The following RPH3A variants were observed in gnomAD, a reference collection of about 807,000 sequenced individuals.
The protein encoded by RPH3A is rabphilin 3A.
A neutral mutation model predicts 102.2 loss-of-function variants in RPH3A; 48 were observed. The ratio of observed to expected loss-of-function variants is 0.47; its 90% CI spans 0.37 to 0.60. The LOEUF (loss-of-function observed/expected upper bound fraction) is 0.60, where lower values mean the gene tolerates loss of function less well. RPH3A is among the 20% of genes least tolerant of loss of function. RPH3A has a pLI of 0.00. For synonymous variants in RPH3A, 310 were observed against 324.3 expected (o/e 0.96, Z 0.47); for missense variants, 781 against 910.1 (o/e 0.86, Z 1.83).
In RPH3A at chr12:112,678,330, A is replaced by G. The variant is rs2040201832; in HGVS notation, c.-140+103011A>G. Reference sequence around the variant, plus strand: ...GAGAGAGAGAGAGAAAGAAAGAAAGAAGGAAGGAAGGAAGGAAGGAAGGAA... The same window carrying G: ...GAGAGAGAGAGAGAAAGAAAGAAAGGAGGAAGGAAGGAAGGAAGGAAGGAA... On this transcript the variant is annotated intron_variant, in intron 1 of 21. Transcript: ENST00000543106. Among the ~76,000 whole-genome samples, 2 of 124,108 alleles carry G rather than the reference A, an allele frequency of 1.6e-5. 1 individual carries two copies. The highest frequency in any genetic ancestry group is 4.8e-4 in the East Asian group (2 of 4,174). The allele number at this position is 124,108 out of a possible 152,430, so 81.4% of individuals were successfully genotyped here.
chr12:112,796,092 A>C (rs985127315), intron 2 of RPH3A, among the ~76,000 whole-genome samples: 2 of 152,076 alleles, frequency 1.3e-5, no homozygotes, highest in Non-Finnish European at 2.9e-5. Flanking sequence ...CAGTTTCTTC[A>C]TCTGTGAAAT....
At chr12:112,766,180 C>A (rs1191351084) in intron 1 of RPH3A, among the ~76,000 whole-genome samples, 1 of 152,290 alleles carries the variant, frequency 6.6e-6, no homozygotes. Context: ...TTCGGCACTG[C>A]CACTTCCTAG....
intron 2 of RPH3A, among the ~76,000 whole-genome samples, chr12:112,802,481 T>A (rs2041372378): frequency 6.6e-6 from 1 of 152,090 alleles, no homozygotes; most frequent in Non-Finnish European, 1.5e-5. Context: ...CCTGGGTGGT[T>A]AGGTAAATAG....
At chr12:112,891,244 A>G in intron 19 of RPH3A, 1 of 536,394 alleles carries the variant, frequency 1.9e-6, no homozygotes, top group Non-Finnish European at 3.3e-6. Flanking sequence ...TGTCCTCTTG[A>G]GGGCCTGCTG....
Position 112,682,658 on chromosome 12 carries a change from C to T in RPH3A, c.-140+107339C>T, listed in dbSNP as rs187591090. 6.6e-5 allele frequency among the ~76,000 whole-genome samples: 10 copies of T among 152,274 alleles called. No individual in the cohort carries two copies. The East Asian group carries it at 1.9e-3, about 29-fold the overall frequency. ...CCCTTAGAACTTTGGAGAGCGTCATCCAGCCAGCAGCAGAGAGATGGGGGA... is the reference window on the plus strand; with the variant it reads ...CCCTTAGAACTTTGGAGAGCGTCATTCAGCCAGCAGCAGAGAGATGGGGGA... On this transcript the variant is annotated intron_variant, in intron 1 of 21. Transcript: ENST00000543106.
intron 3 of RPH3A, among the ~76,000 whole-genome samples, chr12:112,834,080 T>C (rs73198784): frequency 0.033 from 5,074 of 152,248 alleles, 153 homozygotes; most frequent in Non-Finnish European, 0.042. Context: ...AATGGACATA[T>C]CCATCCATTG....
chr12:112,713,802 C>G (rs2040496700), intron 1 of RPH3A, among the ~76,000 whole-genome samples: 1 of 152,176 alleles, frequency 6.6e-6, no homozygotes, highest in African/African-American at 2.4e-5. Context: ...GAGCTAAAAT[C>G]AGTTTTGTTC....
intron 1 of RPH3A, among the ~76,000 whole-genome samples, chr12:112,665,607 G>C (rs1348930066): frequency 6.6e-6 from 1 of 152,164 alleles, no homozygotes; most frequent in Non-Finnish European, 1.5e-5. Flanking sequence ...ACAAGGTCAG[G>C]TATTCTATAT....
intron 1 of RPH3A, among the ~76,000 whole-genome samples, chr12:112,680,036 T>A (rs1020059285): frequency 6.6e-6 from 1 of 151,974 alleles, no homozygotes; most frequent in African/African-American, 2.4e-5. Flanking sequence ...GAGGGAAGTA[T>A]GTTCCAGGCA....
At chr12:112,593,018 C>T (rs1262015530) in intron 1 of RPH3A, among the ~76,000 whole-genome samples, 1 of 152,180 alleles carries the variant, frequency 6.6e-6, no homozygotes, top group Non-Finnish European at 1.5e-5. Flanking sequence ...GTCTCCCTAA[C>T]TTTATATGTT....
At position 112,872,510 on chromosome 12, in the gene RPH3A, T is replaced by C. The variant is rs147241843; in HGVS notation, c.796+2471T>C. On this transcript the variant is annotated intron_variant, in intron 10 of 21. Coordinates refer to ENST00000389385, the MANE Select transcript of RPH3A (RefSeq NM_001143854.2). ...CTTATTTCATGGGTTGTTTTTTCAC[T>C]CTTTTATAGTGTCATTTGATGCAAA... 7.6e-4 allele frequency among the ~76,000 whole-genome samples: 115 copies of C among 152,302 alleles called. 1 individual carries two copies. In the East Asian group the frequency reaches 0.019, roughly 25 times the overall value.
intron 5 of RPH3A, 48 bp downstream of exon 5, chr12:112,847,890 G>T: frequency 6.3e-7 from 1 of 1,597,474 alleles, no homozygotes; most frequent in Non-Finnish European, 8.5e-7. Context: ...GTGGCAGGAG[G>T]GTGTGCTGGG....
intron 5 of RPH3A, among the ~76,000 whole-genome samples, chr12:112,855,250 A>T (rs996386277): frequency 3.3e-5 from 5 of 152,172 alleles, no homozygotes; most frequent in African/African-American, 1.2e-4. Flanking sequence ...GTAAAATGGG[A>T]GTGAATAATA....
At chr12:112,800,214 T>C (rs749675284) in intron 2 of RPH3A, among the ~76,000 whole-genome samples, 1 of 152,100 alleles carries the variant, frequency 6.6e-6, no homozygotes, top group African/African-American at 2.4e-5. Flanking sequence ...GACTAACTTA[T>C]AAAAACAGCA....
intron 1 of RPH3A, among the ~76,000 whole-genome samples, chr12:112,674,711 G>A (rs2040160884): frequency 6.6e-6 from 1 of 151,688 alleles, no homozygotes; most frequent in Non-Finnish European, 1.5e-5. Flanking sequence ...AAGATATCAG[G>A]ATAAGAGTGT....
rs536750464 is a variant in RPH3A at position 112,840,771 on chromosome 12, G to A, written c.83+4269G>A. Among the ~76,000 whole-genome samples the A allele has an allele frequency of 4.9e-4, 74 of 152,130 alleles. 1 individual carries two copies. The highest frequency in any genetic ancestry group is 1.7e-3 in the African/African-American group (70 of 41,500). On this transcript the variant is annotated intron_variant, in intron 4 of 21. Transcript: ENST00000389385. ...TCTAAAATAATAATAGGTGTATTTC[G>A]GGTAGGGGCATACAACCAATTCCCC...
chr12:112,704,582 G>A (rs1357484395), intron 1 of RPH3A, among the ~76,000 whole-genome samples: 1 of 152,112 alleles, frequency 6.6e-6, no homozygotes, highest in African/African-American at 2.4e-5. Context: ...TAAGAAACTG[G>A]GAAAGCAATG....
chr12:112,756,238 A>T (rs1159657733), intron 1 of RPH3A, among the ~76,000 whole-genome samples: 1 of 150,652 alleles, frequency 6.6e-6, no homozygotes, highest in Admixed American at 6.6e-5. Flanking sequence ...TTTGAGATGG[A>T]GTTTCACTCT....
intron 1 of RPH3A, among the ~76,000 whole-genome samples, chr12:112,580,394 C>CT (rs773931202): frequency 0.025 from 1,938 of 76,948 alleles, 207 homozygotes; most frequent in African/African-American, 0.07. Context: ...TTTGTCTTGT[C>CT]TTTTTTTTTT....
Sources: gnomAD v4.1 joint callset for allele counts (sites outside exome capture counted in the v4.1 genomes callset) on GRCh38, gnomAD v4.1.1 for gene constraint, MANE v1.5 for transcripts, NCBI Gene and HGNC (gene_info 2026-07-23, HGNC 2026-07-21) for gene names.